Variants in FBF1 observed in about 807,000 individuals in gnomAD.
FBF1 encodes Fas binding factor 1, also known as fas-binding factor 1.
Under a neutral mutation model 147.2 loss-of-function variants are expected in FBF1, and 119 were observed. That is an observed-to-expected ratio of 0.81 (90% CI 0.70 to 0.94). The LOEUF is 0.94. Ranked by LOEUF, FBF1 falls within the 40% of genes least tolerant of loss-of-function variation. The pLI is 0.00. For synonymous variants in FBF1, 601 were observed against 609.0 expected (o/e 0.99, Z 0.19); for missense variants, 1,449 against 1,500.8 (o/e 0.97, Z 0.57).
chr17:75,922,363 T>C lies in FBF1; in HGVS notation c.1425-317A>G, dbSNP rs2065533526. On this transcript the variant is annotated intron_variant, in intron 14 of 29. Coordinates refer to ENST00000636174, the MANE Select transcript of FBF1 (RefSeq NM_001319193.2). This position sits in a 1 kb window ranked among gnomAD's most constrained non-coding sequence, Gnocchi z 5.0. ...AGAGCCCTGTTCCAGTCCACTTAAC[T>C]TGGCTCAGCTCTAGATTAGGATTCT... is the stretch of plus-strand genomic sequence containing the variant. Among the ~76,000 whole-genome samples the C allele has an allele frequency of 6.6e-6, 1 of 152,182 alleles. No individual in the cohort carries two copies. The highest frequency in any genetic ancestry group is 1.5e-5 in the Non-Finnish European group (1 of 68,028).
At chr17:75,935,101 T>A (rs1183755119) in intron 4 of FBF1, among the ~76,000 whole-genome samples, 4 of 152,122 alleles carry the variant, frequency 2.6e-5, no homozygotes, top group Non-Finnish European at 5.9e-5. Context: ...AACTTTTGAA[T>A]ATTCAAAAAC....
intron 18 of FBF1, 80 bp downstream of exon 18, chr17:75,920,194 T>C: frequency 1.9e-6 from 3 of 1,588,862 alleles, no homozygotes; most frequent in South Asian, 1.1e-5. Context: ...TCCTCCCTCC[T>C]GGGGAAGCTT....
chr17:75,929,917 G>A, intron 7 of FBF1, 80 bp downstream of exon 7: 1 of 1,212,386 alleles, frequency 8.2e-7, no homozygotes. Flanking sequence ...ATTAGAAGGA[G>A]AATGAAGCTT....
At chr17:75,934,377 A>G (rs2065611215) in intron 4 of FBF1, among the ~76,000 whole-genome samples, 1 of 152,062 alleles carries the variant, frequency 6.6e-6, no homozygotes, top group South Asian at 2.1e-4. Context: ...CCTGGCCAAC[A>G]TGGCGAAAAC....
In FBF1 at chr17:75,937,957, CAG is replaced by C. The variant is rs749711307; in HGVS notation, c.3+188_3+189del. On this transcript the variant is annotated intron_variant, in intron 2 of 29. Transcript: ENST00000636174. Reference sequence around the variant, plus strand: ...TTAAAAACGCTTCCAGCTGGACACTCAGAGTCTCAGAAGAAACCTTGGTCGTC... The same window carrying C: ...TTAAAAACGCTTCCAGCTGGACACTCAGTCTCAGAAGAAACCTTGGTCGTC... The C allele has an allele frequency of 5.6e-5, 44 of 788,430 alleles. No homozygotes were observed. In the African/African-American group the frequency reaches 7.1e-4, roughly 13 times the overall value. The allele number at this position is 788,430 out of a possible 1,614,324, so 48.8% of individuals were successfully genotyped here.
At chr17:75,932,238 G>A (rs528198313) in intron 5 of FBF1, among the ~76,000 whole-genome samples, 46 of 152,256 alleles carry the variant, frequency 3.0e-4, no homozygotes, top group African/African-American at 1.1e-3. Flanking sequence ...GTAGCCAGAC[G>A]TGGTGGTGTG....
rs1442697096 is a variant in FBF1 at position 75,913,753 on chromosome 17, G to T, written c.3196C>A (p.Leu1066Ile). The part of the protein sequence containing the change: ...DRARQDLPSS[L>I]VGLFPRAQGP... ...TGGGCCCTGGGGAACAGACCCACGA[G>T]GCTAGAGGGCAGGTCCTGTCGTGCG... The change falls in exon 28 of 30, where the codon CTC becomes ATC. Residue 1066 changes from leucine to isoleucine, a missense_variant. Coordinates refer to ENST00000636174, the MANE Select transcript of FBF1 (RefSeq NM_001319193.2). The T allele has an allele frequency of 1.2e-6, 2 of 1,603,814 alleles. No individual in the cohort carries two copies. The highest frequency in any genetic ancestry group is 2.2e-5 in the East Asian group (1 of 44,844).
intron 2 of FBF1, 26 bp downstream of exon 2, chr17:75,938,121 T>C: frequency 6.2e-7 from 1 of 1,613,184 alleles, no homozygotes; most frequent in Admixed American, 1.7e-5. Context: ...TCGCTTTCCA[T>C]GCATCTTACT....
In FBF1 at chr17:75,912,380, C is replaced by T. The variant is rs775043955; in HGVS notation, c.3248-73G>A. ...ACCGGGCGGTCACAGCTTGTTCCTG[C>T]AGAGCTGCTCCCCCCGCCAGTGGGT... On this transcript the variant is annotated intron_variant, in intron 28 of 29. Transcript: ENST00000636174. 39 of 1,158,590 alleles carry T rather than the reference C, an allele frequency of 3.4e-5. 1 individual carries two copies. Among genetic ancestry groups the T allele is most frequent in the Non-Finnish European group, 4.6e-5 (38 of 833,012 alleles). 71.8% of individuals were successfully genotyped at this position (1,158,590 alleles called of 1,614,324 possible).
intron 11 of FBF1, 59 bp downstream of exon 11, chr17:75,926,229 C>G: frequency 6.2e-7 from 1 of 1,606,152 alleles, no homozygotes. Flanking sequence ...CCACAGTACC[C>G]GTCCACCAGC....
rs1490848200 is a variant in FBF1, at chr17:75,928,768, A to T, written c.280-575T>A. Among the ~76,000 whole-genome samples the T allele has an allele frequency of 2.6e-5, 4 of 152,100 alleles. No homozygotes were observed. The highest frequency in any genetic ancestry group is 5.9e-5 in the Non-Finnish European group (4 of 68,014). On this transcript the variant is annotated intron_variant, in intron 7 of 29. Coordinates refer to ENST00000636174, the MANE Select transcript of FBF1 (RefSeq NM_001319193.2). This position sits in a 1 kb window ranked among gnomAD's most constrained non-coding sequence, Gnocchi z 4.2. ...GGTTGCAGTGAGCCGAGATCATGCC[A>T]CTGCACTCCAGCCTAGGCAACAGAG...
chr17:75,938,327 A>T, intron 1 of FBF1, 95 bp from the exon 2 acceptor site: 1 of 840,426 alleles, frequency 1.2e-6, no homozygotes, highest in Non-Finnish European at 1.9e-6. Flanking sequence ...TTCAGAGGCC[A>T]AGGCGGGGGG....
rs574806234 is a variant in FBF1, at chr17:75,938,377, A to G, written c.-83-145T>C. 1.5e-3 allele frequency: 949 copies of G among 624,102 alleles called. 8 individuals are homozygous for G. In the Middle Eastern group the frequency reaches 0.032, roughly 21 times the overall value. 38.7% of individuals were successfully genotyped at this position (624,102 alleles called of 1,614,324 possible). ...GGAATTCAAGACCAGCCTGGCCAAC[A>G]TGGTGAAACCCTGTCTCTACTAAAA... On this transcript the variant is annotated intron_variant, in intron 1 of 29. Transcript: ENST00000636174.
chr17:75,917,496 C>A (rs975056391), intron 23 of FBF1, among the ~76,000 whole-genome samples: 1 of 143,590 alleles, frequency 7.0e-6, no homozygotes, highest in Non-Finnish European at 1.5e-5. Flanking sequence ...GAGGGGCTTG[C>A]GGTGCTGAGG....
In FBF1 at chr17:75,917,745, C is replaced by T. The variant is rs2065497310; in HGVS notation, c.2492G>A (p.Arg831Gln). The change falls in exon 23 of 30, where the codon CGG (arginine) becomes CAG (glutamine). Residue 831 changes from arginine to glutamine, a missense_variant. Coordinates refer to ENST00000636174, the MANE Select transcript of FBF1 (RefSeq NM_001319193.2). ...KMEARLNEQS[R>Q]LLEQERWRVT... ...GACGGGCCTCACCTGCTCCAGCAGC[C>T]GGCTCTGCTCATTCAGCCGTGCCTC... 7 of 1,598,160 alleles carry T rather than the reference C, an allele frequency of 4.4e-6. No homozygotes were observed. In the Admixed American group the frequency reaches 5.2e-5, roughly 12 times the overall value.
Position 75,925,241 on chromosome 17 carries a change from C to T in FBF1, c.968+106G>A. On this transcript the variant is annotated intron_variant, in intron 13 of 29. Coordinates refer to ENST00000636174, the MANE Select transcript of FBF1 (RefSeq NM_001319193.2). This position sits in a 1 kb window ranked among gnomAD's most constrained non-coding sequence, Gnocchi z 5.0. ...GAGCTGAGGGCCTTGTACCCTGTGG[C>T]CTCCCACATGAGACTCTCGGGTGGG... 2.5e-6 allele frequency: 2 copies of T among 798,896 alleles called. No individual in the cohort carries two copies. Among genetic ancestry groups the T allele is most frequent in the Non-Finnish European group, 3.9e-6 (2 of 509,220 alleles). The allele number at this position is 798,896 out of a possible 1,614,324, so 49.5% of individuals were successfully genotyped here. A position where few individuals can be genotyped will look rare whatever the true frequency, so the allele number is the denominator to read the frequency against.
At chr17:75,911,233 C>A (rs2065455053) in intron 29 of FBF1, among the ~76,000 whole-genome samples, 2 of 152,118 alleles carry the variant, frequency 1.3e-5, no homozygotes, top group Non-Finnish European at 2.9e-5. Flanking sequence ...CCAGCCGAGG[C>A]AACATCGTGA....
chr17:75,935,195 C>T (rs1284606360), intron 4 of FBF1, among the ~76,000 whole-genome samples: 11 of 147,960 alleles, frequency 7.4e-5, no homozygotes, highest in Non-Finnish European at 1.3e-4. Context: ...GACGGAGTCT[C>T]GCTCTGTCGC....
intron 9 of FBF1, 133 bp downstream of exon 9, chr17:75,927,322 G>T (rs529507202): frequency 2.8e-6 from 2 of 707,050 alleles, no homozygotes; most frequent in Non-Finnish European, 4.8e-6. Context: ...GTCCCGACAT[G>T]AATTCACGAG....
Sources: gnomAD v4.1 joint callset for allele counts (sites outside exome capture counted in the v4.1 genomes callset) on GRCh38, gnomAD v4.1.1 for gene constraint, Gnocchi (gnomAD v3.1) non-coding constraint, MANE v1.5 for transcripts, NCBI Gene and HGNC (gene_info 2026-07-23, HGNC 2026-07-21) for gene names.